The following ANTXR1 variants were observed in gnomAD, a reference collection of about 807,000 sequenced individuals.
The protein encoded by ANTXR1 is anthrax toxin receptor 1.
In ANTXR1, 19 loss-of-function variants were observed where a neutral mutation model predicts 78.1. The ratio of observed to expected loss-of-function variants is 0.24; its 90% CI spans 0.17 to 0.36. The LOEUF is 0.36. Ranked by LOEUF, ANTXR1 falls within the 10% of genes least tolerant of loss-of-function variation. The pLI is 1.00. For missense variants in ANTXR1, 518 were observed against 718.6 expected, an observed-to-expected ratio of 0.72 and a Z score of 3.19; for synonymous variants, 273 against 260.5, an observed-to-expected ratio of 1.05 and a Z score of -0.46.
At chr2:69,126,415 A>G (rs1417835811) in intron 12 of ANTXR1, among the ~76,000 whole-genome samples, 1 of 152,178 alleles carries the variant, frequency 6.6e-6, no homozygotes, top group Non-Finnish European at 1.5e-5. Flanking sequence ...TAAAAACTGT[A>G]TGCAGAAGTG....
chr2:69,141,531 C>T (rs1673068499), intron 12 of ANTXR1, among the ~76,000 whole-genome samples: 1 of 152,062 alleles, frequency 6.6e-6, no homozygotes, highest in Non-Finnish European at 1.5e-5. Context: ...CAGGAGCACT[C>T]GTGAGTGAGT....
intron 16 of ANTXR1, among the ~76,000 whole-genome samples, chr2:69,185,266 C>A (rs76739355): frequency 0.022 from 3,383 of 152,252 alleles, 108 homozygotes; most frequent in African/African-American, 0.076. Flanking sequence ...ACCAGCTGGG[C>A]GCAGTGGCTC....
chr2:69,079,941 A>G (rs1474553606), intron 8 of ANTXR1, among the ~76,000 whole-genome samples: 1 of 152,254 alleles, frequency 6.6e-6, no homozygotes, highest in Non-Finnish European at 1.5e-5. Context: ...CCCAAGCTCA[A>G]CATGAGCCCA....
chr2:69,228,785 G>T (rs534994121), intron 17 of ANTXR1, among the ~76,000 whole-genome samples: 1 of 152,152 alleles, frequency 6.6e-6, no homozygotes, highest in Non-Finnish European at 1.5e-5. Context: ...TAGGAAAAAG[G>T]TGCATGTGTG....
At chr2:69,115,153 C>G (rs561141137) in intron 10 of ANTXR1, among the ~76,000 whole-genome samples, 2 of 152,322 alleles carry the variant, frequency 1.3e-5, no homozygotes, top group East Asian at 3.9e-4. Context: ...CCCCCAGTTG[C>G]AGTAACCAAA....
intron 4 of ANTXR1, among the ~76,000 whole-genome samples, chr2:69,070,935 T>TGA (rs751957192): frequency 6.6e-6 from 1 of 152,054 alleles, no homozygotes; most frequent in Non-Finnish European, 1.5e-5. Context: ...TCCCTGACCC[T>TGA]GATGAATGGT....
At chr2:69,197,256 A>G (rs1674686926) in intron 17 of ANTXR1, among the ~76,000 whole-genome samples, 1 of 152,232 alleles carries the variant, frequency 6.6e-6, no homozygotes, top group African/African-American at 2.4e-5. Context: ...TACTAAGCAC[A>G]TGGTGTCCCC....
chr2:69,246,815 T>A lies in ANTXR1; in HGVS notation c.*1330T>A, dbSNP rs569226516. 1 of 152,324 alleles carries A rather than the reference T, an allele frequency of 6.6e-6. No individual in the cohort carries two copies. Among genetic ancestry groups the A allele is most frequent in the East Asian group, 1.9e-4 (1 of 5,184 alleles). The allele number at this position is 152,324 out of a possible 1,614,324, so 9.4% of individuals were successfully genotyped here. ...CATCACCCAGGGATAAAAACAGAGA[T>A]CATTGTCTTGGACCTCCTGCATCAG... On this transcript the variant is annotated 3_prime_UTR_variant, in exon 18 of 18. Transcript: ENST00000303714.
At chr2:69,100,906 T>C (rs942323547) in intron 9 of ANTXR1, among the ~76,000 whole-genome samples, 4 of 152,188 alleles carry the variant, frequency 2.6e-5, no homozygotes, top group African/African-American at 7.2e-5. Context: ...GTAGCAATTG[T>C]GCATTTGCAT....
intron 17 of ANTXR1, among the ~76,000 whole-genome samples, chr2:69,228,367 G>A (rs1474214668): frequency 6.6e-6 from 1 of 152,154 alleles, no homozygotes; most frequent in African/African-American, 2.4e-5. Context: ...AATATTACTG[G>A]TGGCCAACTC....
chr2:69,212,833 G>A (rs184884221), intron 17 of ANTXR1, among the ~76,000 whole-genome samples: 3 of 152,044 alleles, frequency 2.0e-5, no homozygotes, highest in African/African-American at 7.2e-5. Flanking sequence ...TTTTAACATG[G>A]GGTCTCACTA....
chr2:69,124,549 C>G lies in ANTXR1; in HGVS notation c.873-16C>G, dbSNP rs367919868. On this transcript the variant is annotated splice_polypyrimidine_tract_variant and intron_variant, in intron 11 of 17. Transcript: ENST00000303714. Reference sequence around the variant, plus strand: ...CACGCCCTGCTGAGAGTCTGCTTCCCTTGTTGTCATTGCAGGAAAGCTGCA... The same window carrying G: ...CACGCCCTGCTGAGAGTCTGCTTCCGTTGTTGTCATTGCAGGAAAGCTGCA... The G allele has an allele frequency of 1.2e-6, 2 of 1,613,612 alleles. No individual in the cohort carries two copies. Among genetic ancestry groups the G allele is most frequent in the South Asian group, 1.1e-5 (1 of 91,072 alleles).
intron 2 of ANTXR1, among the ~76,000 whole-genome samples, chr2:69,044,493 A>C (rs1436250325): frequency 1.3e-5 from 2 of 152,076 alleles, no homozygotes; most frequent in African/African-American, 2.4e-5. Context: ...CGTAATCCAC[A>C]CTCACTAAGC....
intron 1 of ANTXR1, among the ~76,000 whole-genome samples, chr2:69,020,491 C>G (rs142205772): frequency 2.0e-4 from 30 of 152,236 alleles, no homozygotes; most frequent in Non-Finnish European, 3.7e-4. Flanking sequence ...CCTGGTTAAA[C>G]TCAGTGTCAA....
intron 16 of ANTXR1, among the ~76,000 whole-genome samples, chr2:69,193,065 C>A (rs1051780956): frequency 2.0e-5 from 3 of 152,134 alleles, no homozygotes; most frequent in Non-Finnish European, 4.4e-5. Flanking sequence ...AAGCTTGAAT[C>A]AAGTTATGTT....
chr2:69,247,279 G>A lies in ANTXR1; in HGVS notation c.*1794G>A, dbSNP rs1482886054. 1 of 152,774 alleles carries A rather than the reference G, an allele frequency of 6.5e-6. No individual in the cohort carries two copies. Among genetic ancestry groups the A allele is most frequent in the Non-Finnish European group, 1.5e-5 (1 of 68,106 alleles). The allele number at this position is 152,774 out of a possible 1,614,324, so 9.5% of individuals were successfully genotyped here. A position where few individuals can be genotyped will look rare whatever the true frequency, so the allele number is the denominator to read the frequency against. On this transcript the variant is annotated 3_prime_UTR_variant, in exon 18 of 18. Transcript: ENST00000303714. ...AAGCAAAAACAAACAGGAGTTTCCA[G>A]GGAGAATGGGAAAGCCAGGGGGCAT...
chr2:69,157,916 C>T (rs926639523), intron 13 of ANTXR1, among the ~76,000 whole-genome samples: 9 of 152,184 alleles, frequency 5.9e-5, no homozygotes, highest in African/African-American at 1.4e-4. Context: ...GTTCAGCGGC[C>T]GTAAAACAGA....
At chr2:69,207,727 C>G (rs895168610) in intron 17 of ANTXR1, among the ~76,000 whole-genome samples, 2 of 152,172 alleles carry the variant, frequency 1.3e-5, no homozygotes, top group Admixed American at 1.3e-4. Context: ...GCAACACCCC[C>G]CACACCCCAC....
chr2:69,207,067 A>G (rs1674922717), intron 17 of ANTXR1, among the ~76,000 whole-genome samples: 1 of 152,182 alleles, frequency 6.6e-6, no homozygotes, highest in African/African-American at 2.4e-5. Flanking sequence ...CAATGCTGTA[A>G]TGAATGTTCT....
Sources: gnomAD v4.1 joint callset for allele counts (sites outside exome capture counted in the v4.1 genomes callset) on GRCh38, gnomAD v4.1.1 for gene constraint, MANE v1.5 for transcripts, NCBI Gene and HGNC (gene_info 2026-07-23, HGNC 2026-07-21) for gene names.